Variants in DNAH8 observed in about 807,000 individuals in gnomAD.
The protein encoded by DNAH8 is axonemal beta dynein heavy chain 8.
DNAH8 carries 382 observed loss-of-function variants against 562.1 expected under a neutral mutation model. That is an observed-to-expected ratio of 0.68 (90% CI 0.63 to 0.74). DNAH8 has a LOEUF of 0.74. Ranked by LOEUF, DNAH8 falls within the 30% of genes least tolerant of loss-of-function variation. The probability of loss-of-function intolerance (pLI) is 0.00; values close to 1 mark genes in which losing one functional copy is unlikely to be tolerated. For missense variants in DNAH8, 5,203 were observed against 5,620.4 expected (o/e 0.93, Z 2.37); for synonymous variants, 1,881 against 1,919.4 (o/e 0.98, Z 0.52).
At chr6:38,795,055 A>AT (rs772030420) in intron 21 of DNAH8, among the ~76,000 whole-genome samples, 48 of 152,184 alleles carry the variant, frequency 3.2e-4, no homozygotes, top group Non-Finnish European at 5.3e-4. Flanking sequence ...TTTAAAAATC[A>AT]TTTCCCACTC....
At chr6:38,732,215 G>T (rs1224373122) in intron 4 of DNAH8, among the ~76,000 whole-genome samples, 2 of 152,118 alleles carry the variant, frequency 1.3e-5, no homozygotes, top group African/African-American at 4.8e-5. Context: ...CAGCTGCATT[G>T]TGATTTTTAG....
intron 53 of DNAH8, 32 bp from the exon 54 acceptor site, chr6:38,882,878 T>C: frequency 2.7e-6 from 4 of 1,461,726 alleles, no homozygotes; most frequent in Non-Finnish European, 3.7e-6. Context: ...AGAATATGGT[T>C]CTATTAAGAT....
At chr6:38,889,812 TC>T (rs1779216520) in intron 57 of DNAH8, among the ~76,000 whole-genome samples, 1 of 152,188 alleles carries the variant, frequency 6.6e-6, no homozygotes, top group African/African-American at 2.4e-5. Context: ...CCAGGGCAAT[TC>T]TTCAATTAGT....
intron 4 of DNAH8, among the ~76,000 whole-genome samples, chr6:38,731,048 C>T (rs1432003636): frequency 6.6e-6 from 1 of 152,176 alleles, no homozygotes; most frequent in Non-Finnish European, 1.5e-5. Flanking sequence ...CTTCTACCTT[C>T]CTCTAATTGT....
At chr6:38,825,842 C>G (rs76441283) in intron 28 of DNAH8, among the ~76,000 whole-genome samples, 1 of 152,082 alleles carries the variant, frequency 6.6e-6, no homozygotes, top group African/African-American at 2.4e-5. Context: ...GAATGAGGGC[C>G]GCTAATGGGA....
rs1374452571 is a variant in DNAH8 at position 38,722,805 on chromosome 6, G to A, written c.-5G>A. 3 of 1,575,174 alleles carry A rather than the reference G, an allele frequency of 1.9e-6. No homozygotes were observed. Among genetic ancestry groups the A allele is most frequent in the Admixed American group, 3.9e-5 (2 of 51,810 alleles). ...CGAAGTATAAAGCATTCCGCACGAC[G>A]GGGGATGGAGAAGGATGCTGAAGAT... On this transcript the variant is annotated 5_prime_UTR_variant, in exon 2 of 93. Coordinates refer to ENST00000327475, the MANE Select transcript of DNAH8 (RefSeq NM_001206927.2).
chr6:38,794,296 G>A (rs1000287874), intron 21 of DNAH8, among the ~76,000 whole-genome samples: 2 of 151,324 alleles, frequency 1.3e-5, no homozygotes, highest in Admixed American at 1.3e-4. Context: ...CCCTTGTGAG[G>A]GATCCAAGGC....
At chr6:38,818,684 G>C (rs1245856721) in intron 26 of DNAH8, among the ~76,000 whole-genome samples, 3 of 152,218 alleles carry the variant, frequency 2.0e-5, no homozygotes, top group Non-Finnish European at 4.4e-5. Context: ...GTGTGACTTA[G>C]GAAACAGGTG....
At chr6:38,770,695 T>A (rs1767481608) in intron 12 of DNAH8, 136 bp downstream of exon 12, 3 of 776,254 alleles carry the variant, frequency 3.9e-6, no homozygotes, top group Non-Finnish European at 5.5e-6. Context: ...ATATTACTTA[T>A]AGGTCACTGC....
intron 76 of DNAH8, among the ~76,000 whole-genome samples, chr6:38,933,743 T>C (rs996488062): frequency 1.3e-5 from 2 of 152,168 alleles, no homozygotes; most frequent in Non-Finnish European, 2.9e-5. Flanking sequence ...ATAACACTAG[T>C]CTTGGAGTTG....
chr6:39,017,505 G>T (rs1182298398), intron 91 of DNAH8, among the ~76,000 whole-genome samples: 1 of 152,202 alleles, frequency 6.6e-6, no homozygotes, highest in African/African-American at 2.4e-5. Context: ...TGAAATGGAG[G>T]CAGAGGCTGA....
Position 39,008,937 on chromosome 6 carries a change from G to C in DNAH8, c.13338G>C (p.Leu4446=). 1 of 1,611,704 alleles carries C rather than the reference G, an allele frequency of 6.2e-7. No homozygotes were observed. Among genetic ancestry groups the C allele is most frequent in the Non-Finnish European group, 8.5e-7 (1 of 1,178,016 alleles). The part of the protein sequence containing the change: ...AIVYRLSEDM[L]SKLPPDYIPH... ...TTTATAGATTATCTGAAGATATGCT[G>C]AGTAAACTCCCTCCTGATTACATTC... is the stretch of plus-strand genomic sequence containing the variant. Residue 4446 remains leucine, a synonymous_variant, in exon 89 of 93, where the codon CTG becomes CTC. Coordinates refer to ENST00000327475, the MANE Select transcript of DNAH8 (RefSeq NM_001206927.2).
chr6:38,926,694 A>G (rs776172776), intron 74 of DNAH8, among the ~76,000 whole-genome samples: 19 of 152,146 alleles, frequency 1.2e-4, no homozygotes, highest in Non-Finnish European at 2.6e-4. Flanking sequence ...TACTATTGAT[A>G]TTTTAATTCA....
intron 88 of DNAH8, among the ~76,000 whole-genome samples, chr6:38,997,458 G>C (rs147974435): frequency 5.3e-5 from 8 of 152,290 alleles, no homozygotes; most frequent in African/African-American, 1.7e-4. Flanking sequence ...TTGTCTGGGA[G>C]CTGGGGTAGT....
chr6:38,983,192 T>C (rs1561941811), intron 86 of DNAH8, among the ~76,000 whole-genome samples: 1 of 152,214 alleles, frequency 6.6e-6, no homozygotes, highest in South Asian at 2.1e-4. Flanking sequence ...AAATGAACAT[T>C]GTTTCTGTGA....
chr6:38,859,354 C>T (rs776668131), intron 42 of DNAH8, among the ~76,000 whole-genome samples: 1 of 152,112 alleles, frequency 6.6e-6, no homozygotes, highest in Non-Finnish European at 1.5e-5. Context: ...GGAAGCCAGT[C>T]CTTAACTAGA....
chr6:38,831,950 A>G (rs1037463912), intron 30 of DNAH8, among the ~76,000 whole-genome samples: 1 of 152,054 alleles, frequency 6.6e-6, no homozygotes, highest in Non-Finnish European at 1.5e-5. Context: ...TCTTTTAGGA[A>G]TTTGCTCCAA....
At chr6:38,803,897 T>C (rs72851509) in intron 22 of DNAH8, among the ~76,000 whole-genome samples, 21,449 of 152,058 alleles carry the variant, frequency 0.14, 1,706 homozygotes, top group Admixed American at 0.23. Flanking sequence ...AAACATGATA[T>C]GGAAGCATGT....
chr6:38,883,570 A>C, intron 55 of DNAH8, 114 bp downstream of exon 55: 3 of 1,192,484 alleles, frequency 2.5e-6, no homozygotes, highest in Non-Finnish European at 2.3e-6. Context: ...AAAAGAAATC[A>C]TGCTGCACTT....
Sources: gnomAD v4.1 joint callset for allele counts (sites outside exome capture counted in the v4.1 genomes callset) on GRCh38, gnomAD v4.1.1 for gene constraint, MANE v1.5 for transcripts, NCBI Gene and HGNC (gene_info 2026-07-23, HGNC 2026-07-21) for gene names.